The following CLEC2A variants were observed in gnomAD, a reference collection of about 807,000 sequenced individuals.
CLEC2A encodes the protein keratinocyte-associated C-type lectin.
CLEC2A carries 19 observed loss-of-function variants against 18.6 expected under a neutral mutation model. The ratio of observed to expected loss-of-function variants is 1.02; its 90% CI spans 0.71 to 1.50. CLEC2A has a LOEUF of 1.50. Ranked by LOEUF, CLEC2A falls within the 40% of genes most tolerant of loss-of-function variation. The pLI is 0.00. For synonymous variants in CLEC2A, 74 were observed against 64.0 expected, an observed-to-expected ratio of 1.16 and a Z score of -0.75; for missense variants, 190 against 207.9, an observed-to-expected ratio of 0.91 and a Z score of 0.53.
In CLEC2A at chr12:9,922,140, T is replaced by A. The variant is rs1341579613; in HGVS notation, c.232A>T (p.Asn78Tyr). The change falls in exon 3 of 5, where the codon AAT becomes TAT. Residue 78 changes from asparagine to tyrosine, a missense_variant. Physicochemically the swap from Asn to Tyr is moderately radical, Grantham distance 143. Coordinates refer to ENST00000455827, the MANE Select transcript of CLEC2A (RefSeq NM_001130711.2). ...KCFYFSDDTR[N>Y]WTASKIFCSL... ...CAAAATATTTTACTGGCTGTCCAAT[T>A]TCTGGTATCATCAGAAAAATAGAAA... 1 of 1,551,100 alleles carries A rather than the reference T, an allele frequency of 6.4e-7. No individual in the cohort carries two copies. The highest frequency in any genetic ancestry group is 8.7e-7 in the Non-Finnish European group (1 of 1,146,698).
the CLEC2A span, among the ~76,000 whole-genome samples, chr12:9,890,262 C>A: frequency 8.5e-5 from 13 of 152,182 alleles, no homozygotes; most frequent in African/African-American, 3.1e-4. Flanking sequence ...ACACAGTTGG[C>A]AGTTTTACAA....
At chr12:9,897,895 T>C (rs971251805), downstream of CLEC2A, among the ~76,000 whole-genome samples, 2 of 152,210 alleles carry the variant, frequency 1.3e-5, no homozygotes, top group African/African-American at 4.8e-5. Flanking sequence ...TTTAACTCTT[T>C]CTAAGCATTT....
chr12:9,926,162 A>C (rs2137053194), intron 2 of CLEC2A, 98 bp downstream of exon 2: 1 of 693,144 alleles, frequency 1.4e-6, no homozygotes, highest in Non-Finnish European at 2.4e-6. Context: ...AAACCCTTTA[A>C]TCACTCTAGA....
downstream of CLEC2A, among the ~76,000 whole-genome samples, chr12:9,896,407 A>C (rs918491041): frequency 1.2e-4 from 19 of 152,212 alleles, no homozygotes; most frequent in African/African-American, 4.3e-4. Context: ...GTACCCTTTA[A>C]ATGTATTCAA....
At chr12:9,893,042 T>A in the CLEC2A span, 4 of 1,535,790 alleles carry the variant, frequency 2.6e-6, no homozygotes, top group Non-Finnish European at 2.6e-6. Context: ...TGTGCCCAAA[T>A]GACTGGCTGT....
intron 2 of CLEC2A, among the ~76,000 whole-genome samples, chr12:9,923,186 G>C (rs1282153878): frequency 6.6e-6 from 1 of 152,012 alleles, no homozygotes; most frequent in African/African-American, 2.4e-5. Flanking sequence ...CTATCCATTT[G>C]ACAAAGGACT....
downstream of CLEC2A, among the ~76,000 whole-genome samples, chr12:9,894,254 T>C (rs1862728403): frequency 6.6e-6 from 1 of 151,806 alleles, no homozygotes; most frequent in South Asian, 2.1e-4. Flanking sequence ...TGATCGTGGC[T>C]TACTGCAGAT....
the CLEC2A span, among the ~76,000 whole-genome samples, chr12:9,880,332 G>A: frequency 6.6e-6 from 1 of 152,154 alleles, no homozygotes; most frequent in African/African-American, 2.4e-5. Flanking sequence ...CAGAATGGAC[G>A]CGGCGTGTGT....
At chr12:9,924,818 C>A (rs1423883988) in intron 2 of CLEC2A, among the ~76,000 whole-genome samples, 1 of 152,098 alleles carries the variant, frequency 6.6e-6, no homozygotes, top group Non-Finnish European at 1.5e-5. Context: ...GAGTTAAACG[C>A]ACTTTTAAAA....
chr12:9,900,800 G>A (rs184148435), intron 4 of CLEC2A, among the ~76,000 whole-genome samples: 129 of 152,234 alleles, frequency 8.5e-4, no homozygotes, highest in African/African-American at 2.9e-3. Context: ...TCTGCAAGTC[G>A]AGATTGACTC....
intron 2 of CLEC2A, 37 bp downstream of exon 2, chr12:9,926,223 G>A (rs576391245): frequency 1.6e-6 from 2 of 1,246,798 alleles, no homozygotes; most frequent in East Asian, 2.5e-5. Flanking sequence ...CTTCAGGAGT[G>A]AAGAACCATA....
chr12:9,895,468 A>G (rs1862746336), downstream of CLEC2A, among the ~76,000 whole-genome samples: 2 of 152,198 alleles, frequency 1.3e-5, no homozygotes, highest in South Asian at 4.1e-4. Context: ...GGTAAGGAAG[A>G]AGCTGGGATG....
chr12:9,877,869 A>G, the CLEC2A span, among the ~76,000 whole-genome samples: 1 of 152,226 alleles, frequency 6.6e-6, no homozygotes, highest in South Asian at 2.1e-4. Context: ...ACAGAGGAAT[A>G]GTCATAAATA....
the CLEC2A span, among the ~76,000 whole-genome samples, chr12:9,881,111 G>T: frequency 6.6e-6 from 1 of 151,994 alleles, no homozygotes; most frequent in East Asian, 1.9e-4. Flanking sequence ...TCTAACCATC[G>T]TTATTTGGAC....
downstream of CLEC2A, among the ~76,000 whole-genome samples, chr12:9,912,640 A>C (rs1371771380): frequency 1.4e-5 from 2 of 147,578 alleles, no homozygotes; most frequent in African/African-American, 5.1e-5. Flanking sequence ...AGGATGAGTA[A>C]ATCTGGGTTT....
the CLEC2A span, among the ~76,000 whole-genome samples, chr12:9,880,280 G>A: frequency 6.6e-6 from 1 of 152,152 alleles, no homozygotes; most frequent in Non-Finnish European, 1.5e-5. Context: ...GAACAAAATA[G>A]AAAAATGAAT....
At chr12:9,928,815 C>A (rs1164526387) in intron 1 of CLEC2A, among the ~76,000 whole-genome samples, 1 of 152,142 alleles carries the variant, frequency 6.6e-6, no homozygotes, top group South Asian at 2.1e-4. Context: ...ATGCCACTTG[C>A]ACTGTTAAAA....
At chr12:9,893,026 A>G in the CLEC2A span, 2 of 1,535,306 alleles carry the variant, frequency 1.3e-6, no homozygotes, top group East Asian at 2.4e-5. Flanking sequence ...TTAGGACACA[A>G]TTACTTGTGC....
At chr12:9,920,746 T>C (rs1270651181) in intron 3 of CLEC2A, among the ~76,000 whole-genome samples, 1 of 152,220 alleles carries the variant, frequency 6.6e-6, no homozygotes, top group Non-Finnish European at 1.5e-5. Flanking sequence ...TAATCTATTT[T>C]CTTACTCTGT....
Sources: gnomAD v4.1 joint callset for allele counts (sites outside exome capture counted in the v4.1 genomes callset) on GRCh38, gnomAD v4.1.1 for gene constraint, MANE v1.5 for transcripts, NCBI Gene and HGNC (gene_info 2026-07-23, HGNC 2026-07-21) for gene names.